Variants in KCNT2 observed in about 807,000 individuals in gnomAD.
The protein encoded by KCNT2 is potassium channel subfamily T member 2.
Under a neutral mutation model 153.8 loss-of-function variants are expected in KCNT2, and 67 were observed. That is an observed-to-expected ratio of 0.44 (90% CI 0.36 to 0.53). KCNT2 has a LOEUF of 0.53. Among genes scored for constraint, KCNT2 ranks in the 20% least tolerant of loss-of-function variants. KCNT2 has a pLI of 0.00. For synonymous variants in KCNT2, 500 were observed against 458.8 expected (o/e 1.09, Z -1.15); for missense variants, 975 against 1,354.8 (o/e 0.72, Z 4.40).
At chr1:196,293,331 A>AC (rs1660369207) in intron 22 of KCNT2, among the ~76,000 whole-genome samples, 1 of 152,160 alleles carries the variant, frequency 6.6e-6, no homozygotes, top group Non-Finnish European at 1.5e-5. Flanking sequence ...CTTAAGAGAA[A>AC]AAAACAAAAC....
Position 196,608,202 on chromosome 1 carries a change from C to T in KCNT2, c.95+13G>A. 2 of 1,611,764 alleles carry T rather than the reference C, an allele frequency of 1.2e-6. No homozygotes were observed. The highest frequency in any genetic ancestry group is 1.1e-5 in the South Asian group (1 of 91,042). On this transcript the variant is annotated intron_variant, in intron 1 of 27. Coordinates refer to ENST00000294725, the MANE Select transcript of KCNT2 (RefSeq NM_198503.5). ...GCAATATTTACAGAACAATCCTCCA[C>T]CACACCACTCACCTGTCGTCGTTTT...
intron 13 of KCNT2, among the ~76,000 whole-genome samples, chr1:196,383,981 A>G (rs1038050312): frequency 1.3e-5 from 2 of 152,202 alleles, no homozygotes; most frequent in Non-Finnish European, 2.9e-5. Context: ...TATGTAGTTA[A>G]CAATACTATA....
chr1:196,599,455 T>C (rs1285019097), intron 1 of KCNT2, among the ~76,000 whole-genome samples: 2 of 152,218 alleles, frequency 1.3e-5, no homozygotes, highest in African/African-American at 4.8e-5. Flanking sequence ...TGGCTTTATA[T>C]GCAAAGTCCA....
chr1:196,295,542 C>T (rs543709112), intron 22 of KCNT2, among the ~76,000 whole-genome samples: 2 of 150,462 alleles, frequency 1.3e-5, no homozygotes, highest in African/African-American at 4.9e-5. Context: ...AAAATGTCTA[C>T]AGAAACATTT....
intron 5 of KCNT2, among the ~76,000 whole-genome samples, chr1:196,474,797 T>A (rs79792326): frequency 0.011 from 1,729 of 152,274 alleles, 28 homozygotes; most frequent in South Asian, 0.071. Context: ...AACTTTAGTG[T>A]TGGGTGATTA....
intron 22 of KCNT2, among the ~76,000 whole-genome samples, chr1:196,288,149 A>AAAAAAAT (rs1317284585): frequency 6.6e-6 from 1 of 151,694 alleles, no homozygotes; most frequent in African/African-American, 2.4e-5. Flanking sequence ...AATAAAAAAT[A>AAAAAAAT]AAAAAATAAA....
At chr1:196,370,416 A>C (rs2148319702) in intron 14 of KCNT2, among the ~76,000 whole-genome samples, 1 of 152,230 alleles carries the variant, frequency 6.6e-6, no homozygotes, top group Non-Finnish European at 1.5e-5. Flanking sequence ...AACTGGAATT[A>C]ACATAATAAC....
intron 1 of KCNT2, among the ~76,000 whole-genome samples, chr1:196,505,060 T>C (rs964312163): frequency 3.3e-5 from 5 of 150,552 alleles, no homozygotes; most frequent in African/African-American, 1.2e-4. Context: ...TGGTAGTTTC[T>C]TTTGCTGTGC....
chr1:196,260,782 T>C (rs1656942633), intron 25 of KCNT2, among the ~76,000 whole-genome samples: 2 of 152,030 alleles, frequency 1.3e-5, no homozygotes, highest in Non-Finnish European at 2.9e-5. Context: ...GAATGTTTCC[T>C]AACTCTTTCT....
intron 1 of KCNT2, among the ~76,000 whole-genome samples, chr1:196,501,978 G>C (rs1680738943): frequency 6.6e-6 from 1 of 152,090 alleles, no homozygotes; most frequent in South Asian, 2.1e-4. Context: ...AACTAGCGGG[G>C]CATGGCGGCG....
intron 1 of KCNT2, among the ~76,000 whole-genome samples, chr1:196,560,439 A>G (rs1236753887): frequency 6.6e-6 from 1 of 151,922 alleles, no homozygotes; most frequent in Non-Finnish European, 1.5e-5. Context: ...TACTTTTTAA[A>G]AATTAGAATT....
chr1:196,505,370 G>T (rs1259219044), intron 1 of KCNT2, among the ~76,000 whole-genome samples: 1 of 152,086 alleles, frequency 6.6e-6, no homozygotes, highest in Non-Finnish European at 1.5e-5. Flanking sequence ...GTTTTCTCAG[G>T]TTTGTCAAAG....
At chr1:196,534,113 G>T (rs993997286) in intron 1 of KCNT2, among the ~76,000 whole-genome samples, 2 of 151,824 alleles carry the variant, frequency 1.3e-5, no homozygotes, top group African/African-American at 4.8e-5. Flanking sequence ...AAAAAAAAAA[G>T]GAAGAATCTT....
At chr1:196,264,433 T>C (rs1219063841) in intron 25 of KCNT2, among the ~76,000 whole-genome samples, 1 of 152,036 alleles carries the variant, frequency 6.6e-6, no homozygotes, top group Non-Finnish European at 1.5e-5. Flanking sequence ...CTCCATCAGC[T>C]CAAGATATGG....
chr1:196,404,776 A>G (rs1325756819), intron 12 of KCNT2, among the ~76,000 whole-genome samples: 1 of 151,624 alleles, frequency 6.6e-6, no homozygotes, highest in Non-Finnish European at 1.5e-5. Flanking sequence ...CCATGTCTAC[A>G]TTTTGCTCAC....
chr1:196,558,750 C>T (rs1486615636), intron 1 of KCNT2, among the ~76,000 whole-genome samples: 1 of 151,402 alleles, frequency 6.6e-6, no homozygotes, highest in East Asian at 1.9e-4. Flanking sequence ...CATCTTTTCT[C>T]AGAGTTAAAA....
At chr1:196,442,632 G>A (rs1445506578) in intron 8 of KCNT2, among the ~76,000 whole-genome samples, 7 of 151,532 alleles carry the variant, frequency 4.6e-5, no homozygotes, top group Non-Finnish European at 7.4e-5. Flanking sequence ...GCCTTTATTC[G>A]GTAGAGAAGG....
rs756586507 is a variant in KCNT2 at position 196,482,394 on chromosome 1, A to G, written c.276-15T>C. The G allele has an allele frequency of 7.0e-7, 1 of 1,420,654 alleles. No homozygotes were observed. Among genetic ancestry groups the G allele is most frequent in the Admixed American group, 2.4e-5 (1 of 42,424 alleles). 88.0% of individuals were successfully genotyped at this position (1,420,654 alleles called of 1,614,324 possible). On this transcript the variant is annotated splice_polypyrimidine_tract_variant and intron_variant, in intron 3 of 27. Coordinates refer to ENST00000294725, the MANE Select transcript of KCNT2 (RefSeq NM_198503.5). ...AGATATGAGACCTATAAAAAGAATA[A>G]TAATAAGTTAGTTTTTTAAAATATG...
intron 14 of KCNT2, among the ~76,000 whole-genome samples, chr1:196,349,297 T>A (rs907147106): frequency 5.9e-5 from 9 of 152,166 alleles, no homozygotes; most frequent in African/African-American, 1.4e-4. Flanking sequence ...TATCATTTAA[T>A]AATATTTTAG....
Sources: gnomAD v4.1 joint callset for allele counts (sites outside exome capture counted in the v4.1 genomes callset) on GRCh38, gnomAD v4.1.1 for gene constraint, MANE v1.5 for transcripts, NCBI Gene and HGNC (gene_info 2026-07-23, HGNC 2026-07-21) for gene names.